Variants in EYS observed in about 807,000 individuals in gnomAD.
EYS encodes EGF-like photoreceptor maintenance factor.
EYS carries 250 observed loss-of-function variants against 282.1 expected under a neutral mutation model. The observed-to-expected ratio is 0.89, with a 90% CI of 0.80 to 0.98. The LOEUF (loss-of-function observed/expected upper bound fraction) is 0.98. EYS is among the 50% of genes least tolerant of loss of function. The pLI, the probability that EYS is intolerant of heterozygous loss-of-function variation, is 0.00. For synonymous variants in EYS, 1,355 were observed against 1,282.9 expected, an observed-to-expected ratio of 1.06 and a Z score of -1.20; for missense variants, 4,016 against 3,709.0, an observed-to-expected ratio of 1.08 and a Z score of -2.15.
At chr6:64,012,836 G>A (rs1327227436) in intron 33 of EYS, among the ~76,000 whole-genome samples, 1 of 152,114 alleles carries the variant, frequency 6.6e-6, no homozygotes, top group African/African-American at 2.4e-5. Flanking sequence ...TCTAGCAAAA[G>A]CAATATAAAC....
intron 5 of EYS, among the ~76,000 whole-genome samples, chr6:65,475,912 G>T (rs1020088058): frequency 6.6e-6 from 1 of 151,744 alleles, no homozygotes; most frequent in Non-Finnish European, 1.5e-5. Flanking sequence ...TTACAGAACC[G>T]ATTACATGAT....
At chr6:64,728,537 G>A (rs970900673) in intron 22 of EYS, among the ~76,000 whole-genome samples, 3 of 151,918 alleles carry the variant, frequency 2.0e-5, no homozygotes, top group African/African-American at 4.8e-5. Context: ...GGGTTTCACC[G>A]CATTATCCAG....
At position 63,721,644 on chromosome 6, in the gene EYS, T is replaced by G; in HGVS notation, c.8387A>C (p.Tyr2796Ser). 1 of 1,551,358 alleles carries G rather than the reference T, an allele frequency of 6.4e-7. No individual in the cohort carries two copies. The highest frequency in any genetic ancestry group is 8.7e-7 in the Non-Finnish European group (1 of 1,146,626). ...TACATTTATCCCATCTAGATCCAGG[T>G]AGCCTTCTGCACCAACTCTTCCTGC... ...IKAGRVGAEG[Y>S]LDLDGINVTE... Residue 2796 changes from tyrosine to serine, a missense_variant, in exon 43 of 43, where the codon TAC becomes TCC. Coordinates refer to ENST00000503581, the MANE Select transcript of EYS (RefSeq NM_001142800.2).
intron 12 of EYS, among the ~76,000 whole-genome samples, chr6:65,253,861 CCTAT>C (rs1767391066): frequency 1.3e-5 from 2 of 151,562 alleles, no homozygotes; most frequent in African/African-American, 4.8e-5. Flanking sequence ...ACTCTAATAT[CCTAT>C]CTTTTTCTGA....
chr6:65,364,970 C>T (rs556420540), intron 8 of EYS, among the ~76,000 whole-genome samples: 4 of 151,694 alleles, frequency 2.6e-5, no homozygotes, highest in African/African-American at 9.6e-5. Flanking sequence ...AACTCTCCAC[C>T]TCATTTTAAG....
At chr6:64,814,572 A>G (rs1370628321) in intron 21 of EYS, among the ~76,000 whole-genome samples, 1 of 152,044 alleles carries the variant, frequency 6.6e-6, no homozygotes, top group African/African-American at 2.4e-5. Flanking sequence ...TTAAGTTTAC[A>G]GTTTAGGGTT....
At chr6:64,356,221 G>A (rs1771820778) in intron 29 of EYS, among the ~76,000 whole-genome samples, 1 of 151,316 alleles carries the variant, frequency 6.6e-6, no homozygotes, top group African/African-American at 2.4e-5. Flanking sequence ...TTTATTGTAT[G>A]TGGGTTCATA....
At position 64,799,279 on chromosome 6, in the gene EYS, A is replaced by T. The variant is rs1396700574; in HGVS notation, c.3443+14099T>A. ...ACTTCCATTTTTTTCTTATGCTTTG[A>T]TACCAAATATATCAATGTGATAAGC... is the stretch of plus-strand genomic sequence containing the variant. On this transcript the variant is annotated intron_variant, in intron 22 of 42. Coordinates refer to ENST00000503581, the MANE Select transcript of EYS (RefSeq NM_001142800.2). 2.6e-5 allele frequency among the ~76,000 whole-genome samples: 4 copies of T among 151,698 alleles called. No homozygotes were observed. The South Asian group carries it at 8.3e-4, about 31-fold the overall frequency.
intron 19 of EYS, among the ~76,000 whole-genome samples, chr6:64,857,431 C>A (rs535266048): frequency 8.5e-5 from 13 of 152,204 alleles, no homozygotes; most frequent in African/African-American, 2.9e-4. Flanking sequence ...CGACAGAATT[C>A]TCTTTTTAAA....
At chr6:64,186,365 G>A (rs1764947356) in intron 31 of EYS, among the ~76,000 whole-genome samples, 1 of 151,858 alleles carries the variant, frequency 6.6e-6, no homozygotes, top group Non-Finnish European at 1.5e-5. Context: ...ATAACTGGGG[G>A]AATTATGTTG....
At position 64,518,608 on chromosome 6, in the gene EYS, A is replaced by G. The variant is rs920252891; in HGVS notation, c.5644+71615T>C. Among the ~76,000 whole-genome samples the G allele has an allele frequency of 1.1e-4, 17 of 151,798 alleles. 1 individual carries two copies. Among genetic ancestry groups the G allele is most frequent in the African/African-American group, 4.1e-4 (17 of 41,470 alleles). On this transcript the variant is annotated intron_variant, in intron 26 of 42. Transcript: ENST00000503581. ...CTAAAGTCGCTATTGACCCGACGGGAATGATATGGTTTGGCTGCGTCCCCA... is the reference window on the plus strand; with the variant it reads ...CTAAAGTCGCTATTGACCCGACGGGGATGATATGGTTTGGCTGCGTCCCCA...
intron 26 of EYS, among the ~76,000 whole-genome samples, chr6:64,570,408 C>T (rs981238414): frequency 6.6e-6 from 1 of 152,240 alleles, no homozygotes; most frequent in Admixed American, 6.5e-5. Context: ...AACCAGCTAG[C>T]ATCATAATGA....
intron 12 of EYS, among the ~76,000 whole-genome samples, chr6:65,219,752 A>C (rs1452417355): frequency 1.3e-5 from 2 of 152,136 alleles, no homozygotes; most frequent in East Asian, 1.9e-4. Context: ...TCACAGTTCC[A>C]TATGGTTGGG....
rs142275164 is a variant in EYS, at chr6:64,019,488, A to G, written c.6726-20305T>C. Among the ~76,000 whole-genome samples the G allele has an allele frequency of 9.5e-3, 1,447 of 151,610 alleles. 28 individuals carry two copies. The highest frequency in any genetic ancestry group is 0.032 in the African/African-American group (1,341 of 41,302). ...TTGAGTGGCGTGATCTCAGCTTGCT[A>G]CAACCCCTGTCTCCTGGATTCAAGT... On this transcript the variant is annotated intron_variant, in intron 33 of 42. Transcript: ENST00000503581.
intron 31 of EYS, among the ~76,000 whole-genome samples, chr6:64,145,755 C>T (rs529490437): frequency 3.9e-5 from 6 of 152,278 alleles, no homozygotes; most frequent in African/African-American, 1.2e-4. Flanking sequence ...ATTTTCCACA[C>T]GGAATGCAAA....
intron 26 of EYS, among the ~76,000 whole-genome samples, chr6:64,468,233 C>G (rs1412349488): frequency 6.6e-6 from 1 of 152,152 alleles, no homozygotes; most frequent in Non-Finnish European, 1.5e-5. Flanking sequence ...ATAATAAACA[C>G]AGCCTAAGCT....
chr6:64,653,237 C>T (rs1768627487), intron 22 of EYS, among the ~76,000 whole-genome samples: 1 of 152,156 alleles, frequency 6.6e-6, no homozygotes, highest in African/African-American at 2.4e-5. Context: ...GGAGCTTTCC[C>T]TTACAGTTCC....
chr6:64,074,287 T>C (rs1034582650), intron 32 of EYS, among the ~76,000 whole-genome samples: 1 of 151,336 alleles, frequency 6.6e-6, no homozygotes, highest in South Asian at 2.1e-4. Flanking sequence ...AGAGAGATAA[T>C]TCTAAGAAGT....
chr6:65,204,884 ATTTATATATTCTGGAAGAAT>A (rs1765989899), intron 12 of EYS, among the ~76,000 whole-genome samples: 4 of 100,780 alleles, frequency 4.0e-5, no homozygotes, highest in African/African-American at 7.3e-5. Flanking sequence ...GGAAGAACGT[ATTTATATATTCTGGAAGAAT>A]GTATTTATAT....
Sources: allele counts gnomAD v4.1 joint callset (sites outside exome capture counted in the v4.1 genomes callset), GRCh38; gene constraint gnomAD v4.1.1; transcripts MANE v1.5; gene names NCBI Gene and HGNC (gene_info 2026-07-23, HGNC 2026-07-21).